Variants in NUP210L observed in about 807,000 individuals in gnomAD.
NUP210L encodes the protein nucleoporin 210 like, also known as nuclear pore membrane glycoprotein 210-like.
A neutral mutation model predicts 208.5 loss-of-function variants in NUP210L; 74 were observed. The observed-to-expected ratio is 0.35, with a 90% confidence interval of 0.29 to 0.43. NUP210L has a LOEUF of 0.43. Among genes scored for constraint, NUP210L ranks in the 20% least tolerant of loss-of-function variants. NUP210L has a pLI of 1.00. For missense variants in NUP210L, 1,843 were observed against 2,289.4 expected (o/e 0.81, Z 3.98); for synonymous variants, 780 against 816.9 (o/e 0.95, Z 0.77).
intron 6 of NUP210L, 22 bp downstream of exon 6, chr1:154,138,084 G>A: frequency 6.9e-7 from 1 of 1,457,600 alleles, no homozygotes; most frequent in Non-Finnish European, 9.0e-7. Context: ...TGAGTCATAG[G>A]AGAAAAAATA....
chr1:154,043,612 AAC>A (rs1193724870), intron 27 of NUP210L, among the ~76,000 whole-genome samples: 5 of 145,276 alleles, frequency 3.4e-5, no homozygotes, highest in Non-Finnish European at 7.5e-5. Context: ...TACAGGCGTG[AAC>A]CACTGCACCC....
At chr1:154,089,851 GCACTTTGGGAGGAT>G (rs1385629097) in intron 15 of NUP210L, among the ~76,000 whole-genome samples, 1 of 151,964 alleles carries the variant, frequency 6.6e-6, no homozygotes, top group Admixed American at 6.6e-5. Context: ...TATAATCCCA[GCACTTTGGGAGGAT>G]CACTTGAGCC....
In NUP210L at chr1:154,083,011, C is replaced by T. The variant is rs551479047; in HGVS notation, c.2361+6410G>A. ...CTCCAGGAGTGAAGCTGCAGACCTT[C>T]GTGGTGAGTGTTACAGCTCATGAAG... On this transcript the variant is annotated intron_variant, in intron 16 of 39. Coordinates refer to ENST00000368559, the Ensembl canonical transcript of NUP210L. 2.8e-4 allele frequency among the ~76,000 whole-genome samples: 43 copies of T among 152,274 alleles called. 2 individuals are homozygous for T. The South Asian group carries it at 8.7e-3, about 31-fold the overall frequency.
At chr1:154,091,079 T>C (rs1184930191) in intron 15 of NUP210L, among the ~76,000 whole-genome samples, 1 of 139,762 alleles carries the variant, frequency 7.2e-6, no homozygotes, top group African/African-American at 2.7e-5. Context: ...CTGTTATTAT[T>C]ATTATTATTA....
intron 33 of NUP210L, among the ~76,000 whole-genome samples, chr1:154,016,691 C>T (rs1447387774): frequency 6.6e-6 from 1 of 152,182 alleles, no homozygotes; most frequent in Non-Finnish European, 1.5e-5. Flanking sequence ...CGCCTGTAAT[C>T]CCAGCACTTT....
At chr1:154,126,238 T>C (rs1657968956) in intron 10 of NUP210L, 85 bp downstream of exon 10, 2 of 1,134,110 alleles carry the variant, frequency 1.8e-6, no homozygotes, top group East Asian at 2.4e-5. Context: ...AGGTGGTATA[T>C]GCTATATATC....
chr1:154,053,477 C>T (rs147052160), intron 25 of NUP210L, among the ~76,000 whole-genome samples: 1,963 of 152,320 alleles, frequency 0.013, 50 homozygotes, highest in African/African-American at 0.045. Flanking sequence ...TGGCCATAAA[C>T]AAAATCTCTG....
chr1:154,041,762 T>G (rs1652892728), intron 27 of NUP210L, among the ~76,000 whole-genome samples: 1 of 152,132 alleles, frequency 6.6e-6, no homozygotes, highest in African/African-American at 2.4e-5. Context: ...CTTCTGATAA[T>G]AGGGAAGGCA....
At chr1:154,101,711 T>C (rs1656479385) in intron 13 of NUP210L, among the ~76,000 whole-genome samples, 1 of 152,152 alleles carries the variant, frequency 6.6e-6, no homozygotes, top group South Asian at 2.1e-4. Context: ...GTAAGTATTA[T>C]AGAAATCTAG....
chr1:154,097,211 G>A (rs572197564), intron 14 of NUP210L, among the ~76,000 whole-genome samples: 18 of 152,174 alleles, frequency 1.2e-4, no homozygotes, highest in African/African-American at 3.1e-4. Flanking sequence ...CAGATGAACC[G>A]AATTGAGCTG....
Position 153,995,188 on chromosome 1 carries a change from T to C in NUP210L, c.5387-8A>G. 2 of 1,592,710 alleles carry C rather than the reference T, an allele frequency of 1.3e-6. No homozygotes were observed. The highest frequency in any genetic ancestry group is 2.2e-5 in the East Asian group (1 of 44,756). ...CGGAATCTTCACAGTGATCTATACA[T>C]TGGCCATAACAAAACAAGATAATAG... On this transcript the variant is annotated splice_polypyrimidine_tract_variant and splice_region_variant and intron_variant, in intron 37 of 39. Transcript: ENST00000368559.
At chr1:154,006,944 G>GTGTGTGTA (rs1557908848) in intron 35 of NUP210L, among the ~76,000 whole-genome samples, 5 of 97,828 alleles carry the variant, frequency 5.1e-5, no homozygotes, top group Non-Finnish European at 8.3e-5. Flanking sequence ...GTGTGTGTGT[G>GTGTGTGTA]TGTATATATA....
At chr1:154,060,853 A>G (rs1654097144) in intron 19 of NUP210L, 89 bp downstream of exon 19, 2 of 937,882 alleles carry the variant, frequency 2.1e-6, no homozygotes, top group African/African-American at 1.7e-5. Flanking sequence ...TTTTCAACAC[A>G]TAAGTAAGTT....
intron 16 of NUP210L, among the ~76,000 whole-genome samples, chr1:154,073,624 G>A (rs533246885): frequency 1.3e-5 from 2 of 152,046 alleles, no homozygotes; most frequent in African/African-American, 4.8e-5. Flanking sequence ...AGACCAGCCT[G>A]GCTAACATGG....
chr1:154,149,333 G>A (rs1448090149), intron 2 of NUP210L, among the ~76,000 whole-genome samples: 4 of 152,064 alleles, frequency 2.6e-5, no homozygotes, highest in East Asian at 1.9e-4. Context: ...TGATCCACCC[G>A]CCTTGGCCTC....
chr1:154,000,982 C>T (rs1650175664), exon 37 of NUP210L: 2 of 1,614,056 alleles, frequency 1.2e-6, no homozygotes, highest in South Asian at 1.1e-5. Context: ...ACCACTCTTA[C>T]AGAGTAAATG....
intron 5 of NUP210L, 144 bp downstream of exon 5, chr1:154,139,658 G>T: frequency 1.5e-6 from 1 of 664,488 alleles, no homozygotes; most frequent in Non-Finnish European, 2.5e-6. Flanking sequence ...GTGAAACCCT[G>T]TCTGTCTCTA....
intron 12 of NUP210L, among the ~76,000 whole-genome samples, chr1:154,112,459 CAAAG>C (rs890648180): frequency 4.6e-5 from 7 of 152,064 alleles, no homozygotes; most frequent in Non-Finnish European, 2.9e-5. Context: ...GTTTGTAACA[CAAAG>C]AAAGGATAAA....
At chr1:154,133,619 C>T (rs1388318252) in intron 7 of NUP210L, among the ~76,000 whole-genome samples, 7 of 151,622 alleles carry the variant, frequency 4.6e-5, no homozygotes, top group Non-Finnish European at 8.8e-5. Flanking sequence ...GCAGGTGAAT[C>T]GCTTGAGTCC....
Sources: gnomAD v4.1 joint callset for allele counts (sites outside exome capture counted in the v4.1 genomes callset) on GRCh38, gnomAD v4.1.1 for gene constraint, MANE v1.5 for transcripts, NCBI Gene and HGNC (gene_info 2026-07-23, HGNC 2026-07-21) for gene names.